Variants in UNC5D observed in about 807,000 individuals in gnomAD.
The protein encoded by UNC5D is netrin receptor UNC5D.
A neutral mutation model predicts 105.4 loss-of-function variants in UNC5D; 39 were observed. That is an observed-to-expected ratio of 0.37 (90% CI 0.29 to 0.48). UNC5D has a LOEUF of 0.48. Ranked by LOEUF, UNC5D falls within the 20% of genes least tolerant of loss-of-function variation. The pLI is 0.98. For missense variants in UNC5D, 991 were observed against 1,202.4 expected (o/e 0.82, Z 2.60); for synonymous variants, 452 against 450.4 (o/e 1.00, Z -0.04).
chr8:35,264,310 A>T (rs2178254), intron 1 of UNC5D, among the ~76,000 whole-genome samples: 124,783 of 152,200 alleles, frequency 0.82, 51,599 homozygotes, highest in East Asian at 1. Flanking sequence ...AATACAGTCT[A>T]TTGGGGTGCA....
chr8:35,262,022 C>T (rs906542363), intron 1 of UNC5D, among the ~76,000 whole-genome samples: 4 of 152,104 alleles, frequency 2.6e-5, no homozygotes, highest in Non-Finnish European at 5.9e-5. Context: ...ATAATACCTC[C>T]GTGGTACAGC....
chr8:35,235,699 C>A lies in UNC5D; in HGVS notation c.-86C>A. ...TCACTCTCTGAAGACTCCCGAGACCCATTCGACTCGGGACCCTCATCGCCG... is the reference window on the plus strand; with the variant it reads ...TCACTCTCTGAAGACTCCCGAGACCAATTCGACTCGGGACCCTCATCGCCG... On this transcript the variant is annotated 5_prime_UTR_variant, in exon 1 of 17. Transcript: ENST00000404895. The A allele has an allele frequency of 3.0e-6, 3 of 1,000,202 alleles. No homozygotes were observed. The highest frequency in any genetic ancestry group is 3.9e-6 in the Non-Finnish European group (3 of 777,742). 62.0% of individuals were successfully genotyped at this position (1,000,202 alleles called of 1,614,324 possible).
At chr8:35,319,822 C>T (rs961369620) in intron 1 of UNC5D, among the ~76,000 whole-genome samples, 3 of 151,502 alleles carry the variant, frequency 2.0e-5, no homozygotes, top group African/African-American at 7.3e-5. Flanking sequence ...AAAAAGCAAG[C>T]TTTTATTTGA....
chr8:35,761,950 G>A (rs1176215432), intron 14 of UNC5D, among the ~76,000 whole-genome samples: 5 of 152,278 alleles, frequency 3.3e-5, no homozygotes, highest in African/African-American at 7.2e-5. Context: ...TTAGGGCTTA[G>A]TGGTTAGGAA....
chr8:35,577,490 A>C lies in UNC5D; in HGVS notation c.466+9249A>C, dbSNP rs1586170979. Among the ~76,000 whole-genome samples the C allele has an allele frequency of 2.0e-5, 3 of 152,236 alleles. No individual in the cohort carries two copies. The South Asian group carries it at 6.2e-4, about 32-fold the overall frequency. ...GCTCCCACTCACCAAATCTGGGACA[A>C]CTTGAGCATCAAAATAAATGATAGC... is the stretch of plus-strand genomic sequence containing the variant. On this transcript the variant is annotated intron_variant, in intron 3 of 16. Transcript: ENST00000404895.
intron 4 of UNC5D, among the ~76,000 whole-genome samples, chr8:35,641,794 A>G (rs983500827): frequency 1.3e-5 from 2 of 152,144 alleles, no homozygotes; most frequent in African/African-American, 4.8e-5. Flanking sequence ...TGAAAACAAT[A>G]TATTTATTTC....
At chr8:35,534,195 G>T (rs1474924845) in intron 1 of UNC5D, among the ~76,000 whole-genome samples, 1 of 152,164 alleles carries the variant, frequency 6.6e-6, no homozygotes, top group Non-Finnish European at 1.5e-5. Flanking sequence ...ATATTATAGG[G>T]AGGAAATGGT....
intron 1 of UNC5D, among the ~76,000 whole-genome samples, chr8:35,460,975 C>A (rs181413255): frequency 6.6e-6 from 1 of 152,196 alleles, no homozygotes; most frequent in East Asian, 1.9e-4. Flanking sequence ...CCTTATTGAA[C>A]AGAGCTTTTA....
At chr8:35,707,772 C>A (rs780127771) in intron 8 of UNC5D, among the ~76,000 whole-genome samples, 3 of 152,176 alleles carry the variant, frequency 2.0e-5, no homozygotes, top group African/African-American at 7.2e-5. Flanking sequence ...TACTTCCAGG[C>A]ATAAACCCCG....
chr8:35,238,903 C>T (rs1011223201), intron 1 of UNC5D, among the ~76,000 whole-genome samples: 1 of 152,166 alleles, frequency 6.6e-6, no homozygotes, highest in Admixed American at 6.5e-5. Flanking sequence ...GTCATTTCTA[C>T]CTTAATGAAT....
intron 1 of UNC5D, among the ~76,000 whole-genome samples, chr8:35,456,462 C>A (rs1362461958): frequency 6.6e-6 from 1 of 152,182 alleles, no homozygotes; most frequent in Non-Finnish European, 1.5e-5. Flanking sequence ...AGTTTGGATA[C>A]AATTAGCTCC....
At chr8:35,368,088 A>G (rs1802227829) in intron 1 of UNC5D, among the ~76,000 whole-genome samples, 1 of 152,200 alleles carries the variant, frequency 6.6e-6, no homozygotes, top group Non-Finnish European at 1.5e-5. Flanking sequence ...ACTAAGTGAC[A>G]TATTTCCAAA....
chr8:35,384,030 A>G (rs1803212937), intron 1 of UNC5D, among the ~76,000 whole-genome samples: 1 of 152,158 alleles, frequency 6.6e-6, no homozygotes, highest in Admixed American at 6.5e-5. Flanking sequence ...CCTGGCTAAC[A>G]TGGTGAAACC....
chr8:35,238,594 C>T (rs1037675030), intron 1 of UNC5D, among the ~76,000 whole-genome samples: 1 of 151,850 alleles, frequency 6.6e-6, no homozygotes, highest in Non-Finnish European at 1.5e-5. Flanking sequence ...TGTTTTTGTT[C>T]TTCAAGAAAA....
chr8:35,651,186 G>A (rs1403452667), intron 4 of UNC5D, among the ~76,000 whole-genome samples: 1 of 152,152 alleles, frequency 6.6e-6, no homozygotes, highest in Non-Finnish European at 1.5e-5. Flanking sequence ...ATTCTGGGTG[G>A]GACATGTTCC....
intron 1 of UNC5D, among the ~76,000 whole-genome samples, chr8:35,304,732 A>C (rs554587672): frequency 1.3e-5 from 2 of 152,118 alleles, no homozygotes; most frequent in African/African-American, 4.8e-5. Context: ...TGCAGATTAT[A>C]TGGGATAAAA....
At chr8:35,506,239 C>T (rs1812297977) in intron 1 of UNC5D, among the ~76,000 whole-genome samples, 1 of 152,180 alleles carries the variant, frequency 6.6e-6, no homozygotes, top group African/African-American at 2.4e-5. Context: ...GCTGCGGTAG[C>T]TTCTGCCATC....
At chr8:35,408,518 T>G (rs1254292065) in intron 1 of UNC5D, among the ~76,000 whole-genome samples, 1 of 150,888 alleles carries the variant, frequency 6.6e-6, no homozygotes, top group Non-Finnish European at 1.5e-5. Flanking sequence ...GAGCCATACT[T>G]GGACAATTGG....
intron 1 of UNC5D, among the ~76,000 whole-genome samples, chr8:35,411,110 G>C (rs1805134182): frequency 6.6e-6 from 1 of 151,990 alleles, no homozygotes; most frequent in Non-Finnish European, 1.5e-5. Flanking sequence ...CTGAAAACTA[G>C]ATAACAGGAT....
Sources: gnomAD v4.1 joint callset for allele counts (sites outside exome capture counted in the v4.1 genomes callset) on GRCh38, gnomAD v4.1.1 for gene constraint, MANE v1.5 for transcripts, NCBI Gene and HGNC (gene_info 2026-07-23, HGNC 2026-07-21) for gene names.